COL4A1: variants seen among roughly 807,000 people sequenced by gnomAD.
The protein encoded by COL4A1 is collagen alpha-1(IV) chain.
A neutral mutation model predicts 216.6 loss-of-function variants in COL4A1; 40 were observed. That is an observed-to-expected ratio of 0.18 (90% CI 0.14 to 0.24). The LOEUF is 0.24. Among genes scored for constraint, COL4A1 ranks in the 10% least tolerant of loss-of-function variants. The probability of loss-of-function intolerance (pLI) is 1.00; values close to 1 mark genes in which losing one functional copy is unlikely to be tolerated. For synonymous variants in COL4A1, 839 were observed against 810.7 expected (o/e 1.03, Z -0.59); for missense variants, 1,628 against 2,196.8 (o/e 0.74, Z 5.18).
At chr13:110,219,666 A>G (rs78148419) in intron 2 of COL4A1, among the ~76,000 whole-genome samples, 5,921 of 74,860 alleles carry the variant, frequency 0.079, 298 homozygotes, top group Admixed American at 0.18. Flanking sequence ...ATATATGTAT[A>G]TATATATATA....
intron 1 of COL4A1, among the ~76,000 whole-genome samples, chr13:110,269,560 G>A (rs938453881): frequency 6.6e-6 from 1 of 152,016 alleles, no homozygotes; most frequent in Non-Finnish European, 1.5e-5. Flanking sequence ...AAATTAAGCT[G>A]CACCTGGAAC....
chr13:110,206,734 CAA>C lies in COL4A1; in HGVS notation c.808-21_808-20del, dbSNP rs1479419023. ...GCATCCCCTTAAAGGAATAAAAAGA[CAA>C]AGAGATTTATTCGTCTATTTAAGCA... On this transcript the variant is annotated intron_variant, in intron 14 of 51. Transcript: ENST00000375820. The C allele has an allele frequency of 3.1e-6, 5 of 1,613,620 alleles. No homozygotes were observed. The highest frequency in any genetic ancestry group is 1.7e-5 in the Admixed American group (1 of 59,990).
intron 2 of COL4A1, among the ~76,000 whole-genome samples, chr13:110,219,798 ATGTATATATG>A (rs1362610505): frequency 1.5e-5 from 2 of 131,648 alleles, no homozygotes; most frequent in African/African-American, 5.6e-5. Context: ...ATGTGTATAT[ATGTATATATG>A]TGTATATATG....
chr13:110,191,736 G>T (rs1566361955), intron 24 of COL4A1: 3 of 636,748 alleles, frequency 4.7e-6, no homozygotes, highest in Non-Finnish European at 8.4e-6. Flanking sequence ...AAACAGATCT[G>T]CTTTCCTTGA....
intron 1 of COL4A1, among the ~76,000 whole-genome samples, chr13:110,277,557 T>C (rs1354426486): frequency 1.3e-5 from 2 of 152,204 alleles, no homozygotes; most frequent in African/African-American, 4.8e-5. Flanking sequence ...GTCTGCACTC[T>C]GCTCTCAAAT....
intron 26 of COL4A1, among the ~76,000 whole-genome samples, chr13:110,184,774 G>A (rs1878328654): frequency 6.6e-6 from 1 of 151,952 alleles, no homozygotes; most frequent in Admixed American, 6.6e-5. Context: ...GCAATGGCAC[G>A]ATCTCAGCTC....
At chr13:110,252,545 A>ATATACGTATAATTATACGTACATATGTAT (rs1566416003) in intron 1 of COL4A1, among the ~76,000 whole-genome samples, 1 of 47,194 alleles carries the variant, frequency 2.1e-5, no homozygotes, top group African/African-American at 6.8e-5. Context: ...TATATGTATT[A>ATATACGTATAATTATACGTACATATGTAT]TATATACGTA....
Position 110,149,637 on chromosome 13 carries a change from C to G in COL4A1, c.*726G>C, listed in dbSNP as rs1876409610. ...AGCACAGTCTTTCAAAGGAAGAAAACTATGTAAGCTTTATTTTAACAGTGG... is the reference window on the plus strand; with the variant it reads ...AGCACAGTCTTTCAAAGGAAGAAAAGTATGTAAGCTTTATTTTAACAGTGG... On this transcript the variant is annotated 3_prime_UTR_variant, in exon 52 of 52. Coordinates refer to ENST00000375820, the MANE Select transcript of COL4A1 (RefSeq NM_001845.6). 2 of 152,632 alleles carry G rather than the reference C, an allele frequency of 1.3e-5. No homozygotes were observed. Among genetic ancestry groups the G allele is most frequent in the Admixed American group, 6.5e-5 (1 of 15,308 alleles). 9.5% of individuals were successfully genotyped at this position (152,632 alleles called of 1,614,324 possible). A position where few individuals can be genotyped will look rare whatever the true frequency, so the allele number is the denominator to read the frequency against.
chr13:110,172,956 C>T (rs562539918), intron 40 of COL4A1, among the ~76,000 whole-genome samples, 186 bp from the exon 41 acceptor site: 3 of 152,270 alleles, frequency 2.0e-5, no homozygotes, highest in Admixed American at 1.3e-4. Context: ...ACTGAATGTT[C>T]CTAATTTAGT....
intron 2 of COL4A1, among the ~76,000 whole-genome samples, chr13:110,214,722 C>A (rs568677915): frequency 1.1e-4 from 17 of 152,290 alleles, no homozygotes; most frequent in African/African-American, 4.1e-4. Context: ...GCTCTCCAGC[C>A]GCTGGCCTTG....
intron 28 of COL4A1, 109 bp from the exon 29 acceptor site, chr13:110,181,498 GAGA>G (rs1878153246): frequency 8.6e-7 from 1 of 1,163,946 alleles, no homozygotes; most frequent in Admixed American, 2.0e-5. Context: ...GACCTGATCT[GAGA>G]AGGTCAACTG....
rs1485179840 is a variant in COL4A1 at position 110,297,595 on chromosome 13, C to G, written c.84+9349G>C. On this transcript the variant is annotated intron_variant, in intron 1 of 51. Coordinates refer to ENST00000375820, the MANE Select transcript of COL4A1 (RefSeq NM_001845.6). ...GAATTCAAATCCATCTCATCTGACT[C>G]CAGAGTCTGAAACTGATGCCTTTTG... Among the ~76,000 whole-genome samples, 5 of 152,242 alleles carry G rather than the reference C, an allele frequency of 3.3e-5. No homozygotes were observed. In the East Asian group the frequency reaches 9.6e-4, roughly 29 times the overall value.
intron 1 of COL4A1, among the ~76,000 whole-genome samples, chr13:110,279,414 G>A (rs1399111623): frequency 7.9e-5 from 12 of 152,134 alleles, no homozygotes. Context: ...TGGTTTCATT[G>A]TGATATCATT....
In COL4A1 at chr13:110,179,392, G is replaced by A. The variant is rs1261452471; in HGVS notation, c.2223C>T (p.Leu741=). 1.1e-5 allele frequency: 18 copies of A among 1,614,114 alleles called. No individual in the cohort carries two copies. Among genetic ancestry groups the A allele is most frequent in the Non-Finnish European group, 1.5e-5 (18 of 1,180,016 alleles). The change falls in exon 30 of 52, where the codon CTC becomes CTT. Residue 741 remains leucine (L), a synonymous_variant. Transcript: ENST00000375820. ...TGCCGGGAAGACCTGGCAAACCTTT[G>A]AGTCCCGGTAGACCAACTCCAGGCT... ...KGEPGVGLPG[L]KGLPGLPGIP...
chr13:110,163,965 C>T (rs1250554081), intron 46 of COL4A1, among the ~76,000 whole-genome samples: 3 of 140,644 alleles, frequency 2.1e-5, no homozygotes, highest in African/African-American at 7.8e-5. Flanking sequence ...GCTTGTTCTT[C>T]TTCTTTCTTT....
At chr13:110,158,051 A>G (rs1876872028) in intron 49 of COL4A1, among the ~76,000 whole-genome samples, 1 of 152,206 alleles carries the variant, frequency 6.6e-6, no homozygotes, top group South Asian at 2.1e-4. Flanking sequence ...GAAACCCACA[A>G]AAGTTGTTAC....
intron 43 of COL4A1, 148 bp downstream of exon 43, chr13:110,169,481 G>A (rs1877502212): frequency 2.3e-6 from 3 of 1,308,340 alleles, no homozygotes; most frequent in Non-Finnish European, 2.0e-6. Context: ...CTGATTTAGT[G>A]GGGATGTGGG....
intron 1 of COL4A1, among the ~76,000 whole-genome samples, chr13:110,252,205 G>A (rs1882102241): frequency 6.6e-6 from 1 of 151,674 alleles, no homozygotes; most frequent in Admixed American, 6.6e-5. Flanking sequence ...TCTATTTTTA[G>A]TAGAGACGTG....
intron 8 of COL4A1, 50 bp from the exon 9 acceptor site, chr13:110,210,262 TA>T (rs1566377099): frequency 6.4e-7 from 1 of 1,567,266 alleles, no homozygotes; most frequent in Non-Finnish European, 8.8e-7. Context: ...GACATTCATG[TA>T]AAGAAGCTGA....
Sources: allele counts gnomAD v4.1 joint callset (sites outside exome capture counted in the v4.1 genomes callset), GRCh38; gene constraint gnomAD v4.1.1; transcripts MANE v1.5; gene names NCBI Gene and HGNC (gene_info 2026-07-23, HGNC 2026-07-21).